The following NLN variants were observed in gnomAD, a reference collection of about 807,000 sequenced individuals.
NLN encodes neurolysin.
NLN carries 64 observed loss-of-function variants against 79.9 expected under a neutral mutation model. The observed-to-expected ratio is 0.80, with a 90% confidence interval of 0.65 to 0.99. The LOEUF (loss-of-function observed/expected upper bound fraction) is 0.99. Among genes scored for constraint, NLN ranks in the 50% least tolerant of loss-of-function variants. The pLI is 0.00. For synonymous variants in NLN, 267 were observed against 296.6 expected (o/e 0.90, Z 1.02); for missense variants, 835 against 858.7 (o/e 0.97, Z 0.34).
intron 5 of NLN, 57 bp from the exon 6 acceptor site, chr5:65,781,204 C>T: frequency 8.6e-7 from 1 of 1,164,832 alleles, no homozygotes. Context: ...CATGCCAATA[C>T]TAAATAAACC....
Position 65,732,394 on chromosome 5 carries a change from A to G in NLN, c.41+9980A>G, listed in dbSNP as rs534244881. On this transcript the variant is annotated intron_variant, in intron 1 of 12. Coordinates refer to ENST00000380985, the MANE Select transcript of NLN (RefSeq NM_020726.5). Reference sequence around the variant, plus strand: ...TTTAGGAAGTGTGTTTGAAGTTAATATGATGAAACTTACACTTCATATAGA... The same window carrying G: ...TTTAGGAAGTGTGTTTGAAGTTAATGTGATGAAACTTACACTTCATATAGA... Among the ~76,000 whole-genome samples, 6 of 139,740 alleles carry G rather than the reference A, an allele frequency of 4.3e-5. No homozygotes were observed. In the East Asian group the frequency reaches 8.0e-4, roughly 19 times the overall value. 91.7% of individuals were successfully genotyped at this position (139,740 alleles called of 152,430 possible). A position where few individuals can be genotyped will look rare whatever the true frequency, so the allele number is the denominator to read the frequency against.
chr5:65,732,180 A>G (rs1468997519), intron 1 of NLN, among the ~76,000 whole-genome samples: 1 of 152,196 alleles, frequency 6.6e-6, no homozygotes, highest in African/African-American at 2.4e-5. Context: ...TCAACACCGA[A>G]ACTGCAAAAC....
chr5:65,819,176 T>C (rs1178693676), intron 12 of NLN, among the ~76,000 whole-genome samples: 1 of 152,028 alleles, frequency 6.6e-6, no homozygotes, highest in Non-Finnish European at 1.5e-5. Flanking sequence ...TTTGAGGAAG[T>C]GCTACACCAG....
intron 12 of NLN, among the ~76,000 whole-genome samples, chr5:65,815,222 T>TC (rs1760644355): frequency 6.6e-6 from 1 of 152,172 alleles, no homozygotes; most frequent in Non-Finnish European, 1.5e-5. Flanking sequence ...CCCAGAACCC[T>TC]CTATCATTAC....
chr5:65,802,379 C>T, intron 9 of NLN, among the ~76,000 whole-genome samples: 1 of 152,204 alleles, frequency 6.6e-6, no homozygotes. Context: ...AGGCGTACCA[C>T]AAGCAGCTTT....
rs766466206 is a variant in NLN at position 65,822,912 on chromosome 5, G to A, written c.2112G>A (p.Pro704=). The A allele has an allele frequency of 9.5e-5, 153 of 1,613,138 alleles. 2 individuals carry two copies. The South Asian group carries it at 1.0e-3, about 11-fold the overall frequency. The change falls in exon 13 of 13, where the codon CCG becomes CCA. Residue 704 remains proline, a synonymous_variant. Coordinates refer to ENST00000380985, the MANE Select transcript of NLN (RefSeq NM_020726.5). ...TAATGAGTAGAGGCCTGCATGCTCC[G>A]TGAACTGGGGATCTTTGGTAGCCGT... ...AFLMSRGLHA[P]
chr5:65,756,804 A>C (rs964384122), intron 1 of NLN, among the ~76,000 whole-genome samples: 2 of 152,166 alleles, frequency 1.3e-5, no homozygotes, highest in African/African-American at 4.8e-5. Context: ...TGCCTGGCCA[A>C]GGTTGGATGT....
intron 1 of NLN, among the ~76,000 whole-genome samples, chr5:65,738,923 T>C (rs1758796364): frequency 8.3e-6 from 1 of 120,126 alleles, no homozygotes; most frequent in South Asian, 2.4e-4. Flanking sequence ...ATGATATATA[T>C]GTGTGTATAT....
chr5:65,818,410 C>T (rs1169945526), intron 12 of NLN, among the ~76,000 whole-genome samples: 2 of 152,126 alleles, frequency 1.3e-5, no homozygotes, highest in African/African-American at 2.4e-5. Context: ...TACTCCTACC[C>T]AGTGTGTTTT....
intron 1 of NLN, among the ~76,000 whole-genome samples, chr5:65,738,875 G>A (rs1758795034): frequency 6.8e-6 from 1 of 147,406 alleles, no homozygotes. Flanking sequence ...TCCTGCCCCA[G>A]CCTCCTGAGT....
In NLN at chr5:65,746,637, T is replaced by C. The variant is rs58799219; in HGVS notation, c.42-11930T>C. 5.0e-3 allele frequency among the ~76,000 whole-genome samples: 765 copies of C among 152,270 alleles called. 7 individuals are homozygous for C. Among genetic ancestry groups the C allele is most frequent in the African/African-American group, 0.017 (708 of 41,552 alleles). On this transcript the variant is annotated intron_variant, in intron 1 of 12. Transcript: ENST00000380985. ...ACCCAGGATCAAGGAAGTTTTTGTT[T>C]TTTTACTTAAGGTGGAGAAATGTAA...
intron 6 of NLN, 113 bp from the exon 7 acceptor site, chr5:65,785,661 TA>T: frequency 3.7e-6 from 3 of 817,930 alleles, no homozygotes; most frequent in African/African-American, 1.7e-5. Context: ...TTAAATGGTC[TA>T]AAAATATTTG....
At chr5:65,783,213 A>C (rs1759836283) in intron 6 of NLN, among the ~76,000 whole-genome samples, 1 of 152,232 alleles carries the variant, frequency 6.6e-6, no homozygotes, top group Non-Finnish European at 1.5e-5. Context: ...TTTTAGAAAC[A>C]GATGATGGTA....
Position 65,781,251 on chromosome 5 carries a change from T to C in NLN, c.662-10T>C, listed in dbSNP as rs1387864960. 1.9e-6 allele frequency: 3 copies of C among 1,594,676 alleles called. No individual in the cohort carries two copies. In the South Asian group the frequency reaches 3.4e-5, roughly 18 times the overall value. On this transcript the variant is annotated splice_polypyrimidine_tract_variant and intron_variant, in intron 5 of 12. Coordinates refer to ENST00000380985, the MANE Select transcript of NLN (RefSeq NM_020726.5). ...GAAAATTTGATATATGAGAAAATGA[T>C]TTTTTGCAGGTGCTCTTCCTGATGA...
At chr5:65,779,439 T>G (rs1160040853) in intron 4 of NLN, among the ~76,000 whole-genome samples, 1 of 152,026 alleles carries the variant, frequency 6.6e-6, no homozygotes, top group East Asian at 1.9e-4. Flanking sequence ...AATCTTAGAG[T>G]CTATAAATCA....
chr5:65,725,057 G>A (rs1279824919), intron 1 of NLN, among the ~76,000 whole-genome samples: 1 of 151,832 alleles, frequency 6.6e-6, no homozygotes, highest in Admixed American at 6.6e-5. Context: ...CGCCTGTCTC[G>A]GCCTCCCAAA....
intron 1 of NLN, among the ~76,000 whole-genome samples, chr5:65,730,739 T>C (rs1412802776): frequency 1.3e-5 from 2 of 152,030 alleles, no homozygotes; most frequent in East Asian, 3.9e-4. Flanking sequence ...GTATTTTTTG[T>C]AGAAACAGGG....
At chr5:65,808,922 T>G (rs1760480983) in intron 9 of NLN, among the ~76,000 whole-genome samples, 1 of 152,224 alleles carries the variant, frequency 6.6e-6, no homozygotes, top group East Asian at 1.9e-4. Flanking sequence ...ATTTAAAGTT[T>G]AAAATGCAAA....
At position 65,722,373 on chromosome 5, in the gene NLN, C is replaced by T; in HGVS notation, c.-1C>T. 3.2e-6 allele frequency: 5 copies of T among 1,582,562 alleles called. No homozygotes were observed. The highest frequency in any genetic ancestry group is 1.2e-5 in the South Asian group (1 of 86,622). On this transcript the variant is annotated 5_prime_UTR_variant, in exon 1 of 13. Coordinates refer to ENST00000380985, the MANE Select transcript of NLN (RefSeq NM_020726.5). Reference sequence around the variant, plus strand: ...GCCGCCGCCAGCCTCTCAGCGCTCCCATGATCGCCCGGTGCCTTTTGGCTG... The same window carrying T: ...GCCGCCGCCAGCCTCTCAGCGCTCCTATGATCGCCCGGTGCCTTTTGGCTG...
Sources: gnomAD v4.1 joint callset for allele counts (sites outside exome capture counted in the v4.1 genomes callset) on GRCh38, gnomAD v4.1.1 for gene constraint, MANE v1.5 for transcripts, NCBI Gene and HGNC (gene_info 2026-07-23, HGNC 2026-07-21) for gene names.